WDR3: variants seen among roughly 807,000 people sequenced by gnomAD.
WDR3 encodes the protein WD repeat domain 3, also known as WD repeat-containing protein 3.
WDR3 carries 81 observed loss-of-function variants against 123.7 expected under a neutral mutation model. That is an observed-to-expected ratio of 0.65 (90% CI 0.55 to 0.79). The LOEUF is 0.79. Among genes scored for constraint, WDR3 ranks in the 30% least tolerant of loss-of-function variants. The pLI, the probability that WDR3 is intolerant of heterozygous loss-of-function variation, is 0.00. For missense variants in WDR3, 1,027 were observed against 1,123.2 expected, an observed-to-expected ratio of 0.91 and a Z score of 1.22; for synonymous variants, 390 against 388.8, an observed-to-expected ratio of 1.00 and a Z score of -0.04.
chr1:117,952,757 A>G, intron 19 of WDR3, 95 bp downstream of exon 19: 2 of 1,506,604 alleles, frequency 1.3e-6, no homozygotes, highest in Non-Finnish European at 9.0e-7. Flanking sequence ...CACCTGATGC[A>G]TTGCCAAGTC....
rs761813613 is a variant in WDR3 at position 117,939,483 on chromosome 1, G to T, written c.586G>T (p.Gly196Trp). Residue 196 changes from glycine to tryptophan, a missense_variant, in exon 6 of 27, where the codon GGG becomes TGG. Physicochemically the swap from Gly to Trp is radical, Grantham distance 184. Transcript: ENST00000349139. ...ATCTTTTTATATTCTATAGGTATGG[G>T]GGTTGGTTCTGTTGTCAGAAGAAAA... is the stretch of plus-strand genomic sequence containing the variant. ...TMVGHRTEVW[G>W]LVLLSEEKRL... 5 of 1,613,640 alleles carry T rather than the reference G, an allele frequency of 3.1e-6. No individual in the cohort carries two copies. Among genetic ancestry groups the T allele is most frequent in the Non-Finnish European group, 3.4e-6 (4 of 1,179,666 alleles).
At chr1:117,936,563 G>A (rs1650951763) in intron 3 of WDR3, among the ~76,000 whole-genome samples, 1 of 152,218 alleles carries the variant, frequency 6.6e-6, no homozygotes, top group Non-Finnish European at 1.5e-5. Flanking sequence ...TATACATAAA[G>A]ACTAGAGCAA....
At position 117,952,533 on chromosome 1, in the gene WDR3, T is replaced by C. The variant is rs2101223230; in HGVS notation, c.2022T>C (p.His674=). 1 of 1,610,056 alleles carries C rather than the reference T, an allele frequency of 6.2e-7. No individual in the cohort carries two copies. The highest frequency in any genetic ancestry group is 8.5e-7 in the Non-Finnish European group (1 of 1,178,768). ...KFEHIQTLEG[H]HQEIWCLAVS... ...ATTTTTTTTTTCTCCTCCAGGGTCA[T>C]CACCAGGAAATATGGTGTTTGGCTG... is the stretch of plus-strand genomic sequence containing the variant. Residue 674 remains histidine, a synonymous_variant, in exon 19 of 27, where the codon CAT becomes CAC. Transcript: ENST00000349139.
chr1:117,932,142 CTT>C (rs943160234), intron 1 of WDR3, among the ~76,000 whole-genome samples: 3 of 152,202 alleles, frequency 2.0e-5, no homozygotes, highest in Non-Finnish European at 4.4e-5. Context: ...TCATTCACCT[CTT>C]GTCCCTTTTA....
At chr1:117,947,438 C>T (rs930581803) in intron 12 of WDR3, among the ~76,000 whole-genome samples, 6 of 152,160 alleles carry the variant, frequency 3.9e-5, no homozygotes, top group African/African-American at 1.2e-4. Flanking sequence ...ATTTTAGGAA[C>T]AATGCCAGGA....
At chr1:117,936,357 C>CTACT (rs1650945270) in intron 3 of WDR3, among the ~76,000 whole-genome samples, 1 of 45,982 alleles carries the variant, frequency 2.2e-5, no homozygotes, top group African/African-American at 6.5e-5. Context: ...AGGTTGGAAA[C>CTACT]TAAATGTCTG....
intron 1 of WDR3, among the ~76,000 whole-genome samples, chr1:117,930,424 T>C (rs923231936): frequency 6.6e-6 from 1 of 152,092 alleles, no homozygotes; most frequent in Admixed American, 6.5e-5. Context: ...ACGAATAATA[T>C]GAAGAATACA....
intron 2 of WDR3, 91 bp from the exon 3 acceptor site, chr1:117,934,381 CT>C: frequency 8.4e-7 from 1 of 1,192,222 alleles, no homozygotes; most frequent in Non-Finnish European, 1.2e-6. Flanking sequence ...ATTATTGGTG[CT>C]CTTAATTTTA....
intron 20 of WDR3, among the ~76,000 whole-genome samples, 195 bp downstream of exon 20, chr1:117,953,191 A>C (rs910145694): frequency 5.3e-5 from 8 of 152,142 alleles, no homozygotes; most frequent in Non-Finnish European, 1.0e-4. Context: ...TGATTGACCA[A>C]ATTTGCTACT....
rs1320198957 is a variant in WDR3, at chr1:117,932,581, A to G, written c.-32-707A>G. On this transcript the variant is annotated intron_variant, in intron 1 of 26. Transcript: ENST00000349139. ...TAATAGTGTATTTCCAGTGTCTAGA[A>G]TGGTGCCTGTCTAATTGGTAGGTTT... is the stretch of plus-strand genomic sequence containing the variant. Among the ~76,000 whole-genome samples the G allele has an allele frequency of 2.0e-5, 3 of 152,144 alleles. No individual in the cohort carries two copies. The East Asian group carries it at 5.8e-4, about 29-fold the overall frequency.
chr1:117,945,122 T>C (rs905482761), intron 11 of WDR3, among the ~76,000 whole-genome samples: 2 of 152,200 alleles, frequency 1.3e-5, no homozygotes, highest in African/African-American at 2.4e-5. Flanking sequence ...CAAACCACTG[T>C]CATCTCTCAT....
intron 8 of WDR3, 113 bp from the exon 9 acceptor site, chr1:117,941,637 G>A: frequency 3.1e-6 from 4 of 1,296,552 alleles, no homozygotes; most frequent in Non-Finnish European, 4.2e-6. Flanking sequence ...GTTGTCCAAG[G>A]TAATACAACT....
intron 1 of WDR3, among the ~76,000 whole-genome samples, chr1:117,931,318 A>G (rs1220470583): frequency 1.3e-5 from 2 of 152,236 alleles, no homozygotes; most frequent in Non-Finnish European, 2.9e-5. Context: ...TAATTGCTGT[A>G]TGTAATTAAA....
At chr1:117,935,461 C>G (rs1650913128) in intron 3 of WDR3, among the ~76,000 whole-genome samples, 1 of 151,878 alleles carries the variant, frequency 6.6e-6, no homozygotes, top group Non-Finnish European at 1.5e-5. Context: ...ATGCAAGTAC[C>G]AATGCAAAAT....
At chr1:117,955,474 A>G (rs575658455) in intron 24 of WDR3, 116 bp downstream of exon 24, 2 of 940,220 alleles carry the variant, frequency 2.1e-6, no homozygotes, top group East Asian at 5.5e-5. Flanking sequence ...AGGTTTAACT[A>G]TATCAAAGTT....
intron 1 of WDR3, among the ~76,000 whole-genome samples, chr1:117,930,129 G>A (rs1363825461): frequency 6.6e-6 from 1 of 152,214 alleles, no homozygotes; most frequent in African/African-American, 2.4e-5. Context: ...TGTTGCCACG[G>A]TCCAGGCCTT....
intron 1 of WDR3, among the ~76,000 whole-genome samples, chr1:117,931,111 G>A (rs1213788308): frequency 6.6e-6 from 1 of 152,122 alleles, no homozygotes; most frequent in Non-Finnish European, 1.5e-5. Context: ...TTTAAAAAAT[G>A]TTTTGTAGAG....
intron 6 of WDR3, 71 bp from the exon 7 acceptor site, chr1:117,940,756 A>G: frequency 7.4e-7 from 1 of 1,349,920 alleles, no homozygotes; most frequent in Non-Finnish European, 1.0e-6. Flanking sequence ...CAACAAAACA[A>G]CAACAACAAC....
At chr1:117,957,231 C>T (rs940514081) in intron 25 of WDR3, 35 bp downstream of exon 25, 1 of 1,595,370 alleles carries the variant, frequency 6.3e-7, no homozygotes, top group Non-Finnish European at 8.5e-7. Flanking sequence ...CATGTCTGTT[C>T]AGCAGAACTG....
Sources: allele counts gnomAD v4.1 joint callset (sites outside exome capture counted in the v4.1 genomes callset), GRCh38; gene constraint gnomAD v4.1.1; transcripts MANE v1.5; gene names NCBI Gene and HGNC (gene_info 2026-07-23, HGNC 2026-07-21).